Variants in SMAD2 observed in about 807,000 individuals in gnomAD.
The protein encoded by SMAD2 is SMAD family member 2, also known as MAD homolog 2.
A neutral mutation model predicts 64.4 loss-of-function variants in SMAD2; 8 were observed. The ratio of observed to expected loss-of-function variants is 0.12; its 90% CI spans 0.07 to 0.22. SMAD2 has a LOEUF of 0.22. Among genes scored for constraint, SMAD2 ranks in the 10% least tolerant of loss-of-function variants. SMAD2 has a pLI of 1.00. For synonymous variants in SMAD2, 203 were observed against 195.8 expected, an observed-to-expected ratio of 1.04 and a Z score of -0.31; for missense variants, 289 against 561.2, an observed-to-expected ratio of 0.51 and a Z score of 4.90.
chr18:47,819,927 G>T lies in SMAD2; in HGVS notation c.*21900C>A. 6.6e-6 allele frequency: 1 copy of T among 152,286 alleles called. No homozygotes were observed. The highest frequency in any genetic ancestry group is 2.0e-4 in the South Asian group (1 of 4,960). The allele number at this position is 152,286 out of a possible 1,614,324, so 9.4% of individuals were successfully genotyped here. On this transcript the variant is annotated 3_prime_UTR_variant, in exon 11 of 11. Transcript: ENST00000262160. ...CGGAGGCAGGAGGATTGTGTGAGTT[G>T]GAGTTTGAGGCTGCAGTGTGCTACA...
rs561259259 is a variant in SMAD2 at position 47,848,081 on chromosome 18, A to G, written c.997+394T>C. On this transcript the variant is annotated intron_variant, in intron 8 of 10. Transcript: ENST00000262160. ...TAATATATAAACTCACCAAAGGGGG[A>G]AAAAACCTGGGAGCTATATAAAGAA... Among the ~76,000 whole-genome samples, 10 of 152,260 alleles carry G rather than the reference A, an allele frequency of 6.6e-5. No individual in the cohort carries two copies. The South Asian group carries it at 1.0e-3, about 16-fold the overall frequency.
intron 6 of SMAD2, among the ~76,000 whole-genome samples, chr18:47,859,190 C>T (rs897034641): frequency 3.3e-5 from 5 of 151,776 alleles, no homozygotes; most frequent in Non-Finnish European, 7.4e-5. Context: ...TAAAGACACA[C>T]GAAGCAAAAA....
chr18:47,856,856 T>TA (rs1260233416), intron 6 of SMAD2, among the ~76,000 whole-genome samples: 2 of 133,618 alleles, frequency 1.5e-5, no homozygotes, highest in Non-Finnish European at 3.3e-5. Context: ...CTATGCTAAT[T>TA]TTTTTTTTTT....
intron 10 of SMAD2, 80 bp downstream of exon 10, chr18:47,845,260 A>C: frequency 7.3e-7 from 1 of 1,361,842 alleles, no homozygotes; most frequent in Non-Finnish European, 1.0e-6. Context: ...AATAGATACA[A>C]ATGAACTCCA....
At chr18:47,859,098 A>AGTTG (rs1184017552) in intron 6 of SMAD2, among the ~76,000 whole-genome samples, 4 of 152,136 alleles carry the variant, frequency 2.6e-5, no homozygotes, top group Non-Finnish European at 4.4e-5. Flanking sequence ...TGGTGATGTT[A>AGTTG]ATATGAAATG....
At chr18:47,868,697 C>CAT (rs2144375404) in intron 4 of SMAD2, among the ~76,000 whole-genome samples, 1 of 152,118 alleles carries the variant, frequency 6.6e-6, no homozygotes, top group East Asian at 1.9e-4. Flanking sequence ...CAATGTGATC[C>CAT]TGGTAATATT....
chr18:47,914,152 G>A (rs1191226970), intron 1 of SMAD2, among the ~76,000 whole-genome samples: 1 of 152,030 alleles, frequency 6.6e-6, no homozygotes, highest in Non-Finnish European at 1.5e-5. Flanking sequence ...CAACTATGTG[G>A]TCCTTTTCTT....
Position 47,821,372 on chromosome 18 carries a change from T to C in SMAD2, c.*20455A>G, listed in dbSNP as rs547789081. ...TGGTTCTAACTCTTGCTGTTATAACTTGATACTGAAATGTTCTGTAGAAGG... is the reference window on the plus strand; with the variant it reads ...TGGTTCTAACTCTTGCTGTTATAACCTGATACTGAAATGTTCTGTAGAAGG... On this transcript the variant is annotated 3_prime_UTR_variant, in exon 11 of 11. Coordinates refer to ENST00000262160, the MANE Select transcript of SMAD2 (RefSeq NM_005901.6). 5.9e-5 allele frequency: 9 copies of C among 152,340 alleles called. No homozygotes were observed. Among genetic ancestry groups the C allele is most frequent in the African/African-American group, 2.2e-4 (9 of 41,576 alleles). The allele number at this position is 152,340 out of a possible 1,614,324, so 9.4% of individuals were successfully genotyped here.
chr18:47,867,814 AAGG>A (rs1400965611), intron 5 of SMAD2, among the ~76,000 whole-genome samples: 2 of 152,174 alleles, frequency 1.3e-5, no homozygotes, highest in Non-Finnish European at 2.9e-5. Flanking sequence ...AACATAATTA[AAGG>A]AGGTTTTCTG....
intron 6 of SMAD2, 35 bp from the exon 7 acceptor site, chr18:47,851,362 T>C: frequency 7.2e-7 from 1 of 1,387,404 alleles, no homozygotes; most frequent in South Asian, 1.2e-5. Context: ...AATGAAGTAT[T>C]TCCAGAACTT....
chr18:47,814,268 G>A lies in SMAD2; in HGVS notation c.*27559C>T, dbSNP rs906032832. The A allele has an allele frequency of 2.0e-5, 3 of 152,150 alleles. No homozygotes were observed. The highest frequency in any genetic ancestry group is 7.2e-5 in the African/African-American group (3 of 41,422). 9.4% of individuals were successfully genotyped at this position (152,150 alleles called of 1,614,324 possible). A position where few individuals can be genotyped will look rare whatever the true frequency, so the allele number is the denominator to read the frequency against. On this transcript the variant is annotated 3_prime_UTR_variant, in exon 11 of 11. Transcript: ENST00000262160. ...GGGTGTGTACTAGAGTAACAGCACA[G>A]TTGCTACTCAGCTGTGAATCTCAGA...
At chr18:47,847,753 G>GT (rs1363934057) in intron 8 of SMAD2, among the ~76,000 whole-genome samples, 4 of 147,242 alleles carry the variant, frequency 2.7e-5, no homozygotes, top group African/African-American at 1.0e-4. Flanking sequence ...TTCATGTCTA[G>GT]TGTAACAGAA....
intron 1 of SMAD2, among the ~76,000 whole-genome samples, chr18:47,901,179 G>A (rs1392686944): frequency 6.6e-6 from 1 of 152,094 alleles, no homozygotes; most frequent in Non-Finnish European, 1.5e-5. Flanking sequence ...TTGGTTTATA[G>A]ATGTTTGGGC....
intron 3 of SMAD2, among the ~76,000 whole-genome samples, 188 bp from the exon 4 acceptor site, chr18:47,869,624 C>A (rs1170897734): frequency 6.6e-6 from 1 of 152,094 alleles, no homozygotes; most frequent in Non-Finnish European, 1.5e-5. Context: ...TGCAGCAGCA[C>A]TAGCAGATGT....
At chr18:47,902,743 C>T (rs556120694) in intron 1 of SMAD2, among the ~76,000 whole-genome samples, 1 of 152,310 alleles carries the variant, frequency 6.6e-6, no homozygotes, top group Non-Finnish European at 1.5e-5. Flanking sequence ...ATCATGGTCT[C>T]TCTGAACCAG....
At chr18:47,883,688 T>C (rs2032737085) in intron 2 of SMAD2, among the ~76,000 whole-genome samples, 1 of 152,202 alleles carries the variant, frequency 6.6e-6, no homozygotes, top group African/African-American at 2.4e-5. Context: ...TGTTGGTGAT[T>C]TAGATATATC....
At position 47,834,478 on chromosome 18, in the gene SMAD2, G is replaced by A; in HGVS notation, c.*7349C>T. 4.9e-6 allele frequency: 1 copy of A among 203,530 alleles called. No homozygotes were observed. The highest frequency in any genetic ancestry group is 1.0e-5 in the Non-Finnish European group (1 of 99,180). The allele number at this position is 203,530 out of a possible 1,614,324, so 12.6% of individuals were successfully genotyped here. ...CAATCCCAGGCACTTTAGGGCAGCT[G>A]GTCACCCTGAGAACACTACCCACTC... On this transcript the variant is annotated 3_prime_UTR_variant, in exon 11 of 11. Coordinates refer to ENST00000262160, the MANE Select transcript of SMAD2 (RefSeq NM_005901.6).
intron 1 of SMAD2, among the ~76,000 whole-genome samples, chr18:47,914,940 G>C (rs2034277162): frequency 6.6e-6 from 1 of 152,118 alleles, no homozygotes; most frequent in African/African-American, 2.4e-5. Flanking sequence ...ATGCAAATGA[G>C]TATTTCCATT....
intron 2 of SMAD2, among the ~76,000 whole-genome samples, chr18:47,874,107 C>A (rs1177135059): frequency 6.6e-6 from 1 of 152,150 alleles, no homozygotes; most frequent in Non-Finnish European, 1.5e-5. Flanking sequence ...TCCATCTGAC[C>A]TAATTCCCTA....
Sources: gnomAD v4.1 joint callset for allele counts (sites outside exome capture counted in the v4.1 genomes callset) on GRCh38, gnomAD v4.1.1 for gene constraint, MANE v1.5 for transcripts, NCBI Gene and HGNC (gene_info 2026-07-23, HGNC 2026-07-21) for gene names.